The following ZNF708 variants were observed in gnomAD, a reference collection of about 807,000 sequenced individuals.
The protein encoded by ZNF708 is zinc finger protein 708.
Under a neutral mutation model 47.0 loss-of-function variants are expected in ZNF708, and 44 were observed. That is an observed-to-expected ratio of 0.94 (90% CI 0.74 to 1.20). The LOEUF (loss-of-function observed/expected upper bound fraction) is 1.20. Among genes scored for constraint, ZNF708 ranks in the 50% most tolerant of loss-of-function variants. The probability of loss-of-function intolerance (pLI) is 0.00; values close to 1 mark genes in which losing one functional copy is unlikely to be tolerated. For synonymous variants in ZNF708, 184 were observed against 218.5 expected (o/e 0.84, Z 1.39); for missense variants, 557 against 656.0 (o/e 0.85, Z 1.65).
chr19:21,294,895 A>C (rs759143892), intron 3 of ZNF708, among the ~76,000 whole-genome samples, 156 bp from the exon 4 acceptor site: 6 of 152,218 alleles, frequency 3.9e-5, no homozygotes, highest in Non-Finnish European at 8.8e-5. Flanking sequence ...AAGCATTCTG[A>C]CCAAAATACA....
At chr19:21,326,068 T>C (rs963850548) in intron 1 of ZNF708, among the ~76,000 whole-genome samples, 1 of 152,182 alleles carries the variant, frequency 6.6e-6, no homozygotes, top group African/African-American at 2.4e-5. Flanking sequence ...AAACAGTAGA[T>C]GTTGGCATGG....
At chr19:21,309,459 G>A in intron 2 of ZNF708, 118 bp from the exon 3 acceptor site, 1 of 994,876 alleles carries the variant, frequency 1.0e-6, no homozygotes, top group East Asian at 4.0e-5. Flanking sequence ...GGTAATCCCA[G>A]CACTCTGAGA....
intron 1 of ZNF708, 36 bp downstream of exon 1, chr19:21,329,174 C>T (rs543198571): frequency 2.5e-6 from 4 of 1,611,456 alleles, no homozygotes; most frequent in South Asian, 1.1e-5. Flanking sequence ...TCAACCAGCC[C>T]TTCCCCTCTC....
intron 1 of ZNF708, among the ~76,000 whole-genome samples, chr19:21,319,554 A>C (rs1973085218): frequency 6.6e-6 from 1 of 151,330 alleles, no homozygotes; most frequent in Non-Finnish European, 1.5e-5. Flanking sequence ...TCTGGGTTTG[A>C]GGGATTCTGT....
rs1443021740 is a variant in ZNF708 at position 21,328,186 on chromosome 19, A to T, written c.3+1024T>A. 2.2e-4 allele frequency: 22 copies of T among 101,388 alleles called. No individual in the cohort carries two copies. The South Asian group carries it at 4.9e-3, about 22-fold the overall frequency. The allele number at this position is 101,388 out of a possible 1,614,324, so 6.3% of individuals were successfully genotyped here. ...TAAGATTTCTGTGCCTGAGGAAGAT[A>T]AAAAAAAAAAAGCCATAGAAATTTC... is the stretch of plus-strand genomic sequence containing the variant. On this transcript the variant is annotated intron_variant, in intron 1 of 3. Transcript: ENST00000356929.
chr19:21,296,408 A>G (rs954481715), intron 3 of ZNF708, among the ~76,000 whole-genome samples: 9 of 152,112 alleles, frequency 5.9e-5, no homozygotes, highest in Admixed American at 3.9e-4. Flanking sequence ...AGGCTGAGGC[A>G]GGAGAATCGG....
At chr19:21,320,807 G>A (rs1232540933) in intron 1 of ZNF708, among the ~76,000 whole-genome samples, 1 of 150,322 alleles carries the variant, frequency 6.7e-6, no homozygotes, top group African/African-American at 2.5e-5. Context: ...TATATCCTGT[G>A]CAGCAACATG....
chr19:21,307,741 C>G (rs1269489006), intron 3 of ZNF708, among the ~76,000 whole-genome samples: 1 of 152,120 alleles, frequency 6.6e-6, no homozygotes, highest in Non-Finnish European at 1.5e-5. Context: ...GCCCACTTGT[C>G]AATGCTTCTC....
In ZNF708 at chr19:21,294,168, G is replaced by A; in HGVS notation, c.798C>T (p.Asn266=). 1 of 1,609,608 alleles carries A rather than the reference G, an allele frequency of 6.2e-7. No individual in the cohort carries two copies. Among genetic ancestry groups the A allele is most frequent in the Non-Finnish European group, 8.5e-7 (1 of 1,178,806 alleles). The stretch of plus-strand genomic sequence containing the variant: ...TATGAACTATCTTATGTTTAGTAAG[G>A]TTTGAGGACCGGTTAAAAGCTTTGC... ...ECGKAFNRSS[N]LTKHKIVHTG... The change falls in exon 4 of 4, where the codon AAC becomes AAT. Residue 266 remains asparagine, a synonymous_variant. Coordinates refer to ENST00000356929, the MANE Select transcript of ZNF708 (RefSeq NM_021269.3).
chr19:21,295,727 A>C (rs1408063174), intron 3 of ZNF708, among the ~76,000 whole-genome samples: 1 of 152,104 alleles, frequency 6.6e-6, no homozygotes, highest in African/African-American at 2.4e-5. Flanking sequence ...CCTGGGCAAC[A>C]AGAGCAAAAC....
In ZNF708 at chr19:21,319,754, G is replaced by A. The variant is rs549266108; in HGVS notation, c.4-9127C>T. ...AAAAATGTAAAAAAACACCCAATGAGATACCATCTCACACCAGTCAGAATG... is the reference window on the plus strand; with the variant it reads ...AAAAATGTAAAAAAACACCCAATGAAATACCATCTCACACCAGTCAGAATG... On this transcript the variant is annotated intron_variant, in intron 1 of 3. Coordinates refer to ENST00000356929, the MANE Select transcript of ZNF708 (RefSeq NM_021269.3). 1.2e-4 allele frequency among the ~76,000 whole-genome samples: 18 copies of A among 152,280 alleles called. No homozygotes were observed. In the South Asian group the frequency reaches 3.5e-3, roughly 30 times the overall value.
chr19:21,306,953 A>AATAACATAACATAACATAAC (rs544489027), intron 3 of ZNF708: 14 of 134,586 alleles, frequency 1.0e-4, no homozygotes, highest in African/African-American at 2.8e-4. Context: ...TCAAAAGAAA[A>AATAACATAACATAACATAAC]ATAACATAAC....
chr19:21,322,915 C>T (rs1973181470), intron 1 of ZNF708, among the ~76,000 whole-genome samples: 1 of 152,212 alleles, frequency 6.6e-6, no homozygotes, highest in African/African-American at 2.4e-5. Context: ...ACTCCATGGG[C>T]CCATTTACAT....
In ZNF708 at chr19:21,293,745, A is replaced by C; in HGVS notation, c.1221T>G (p.Leu407=). 1 of 1,613,570 alleles carries C rather than the reference A, an allele frequency of 6.2e-7. No individual in the cohort carries two copies. Among genetic ancestry groups the C allele is most frequent in the Non-Finnish European group, 8.5e-7 (1 of 1,179,824 alleles). Residue 407 remains leucine (L), a synonymous_variant, in exon 4 of 4, where the codon CTT becomes CTG. Transcript: ENST00000356929. ...CAGTATGAATTACCTTATGATAAGT[A>C]AGAGTTGAGGACTTGGTAAAGGCTT... The part of the protein sequence containing the change: ...CGKAFTKSST[L]TYHKVIHTGK...
At chr19:21,310,671 G>A in intron 1 of ZNF708, 44 bp from the exon 2 acceptor site, 1 of 1,385,052 alleles carries the variant, frequency 7.2e-7, no homozygotes, top group South Asian at 1.8e-5. Flanking sequence ...AGTGGTTATG[G>A]ACAGAATTTT....
intron 3 of ZNF708, among the ~76,000 whole-genome samples, chr19:21,296,920 G>A (rs1421730328): frequency 6.6e-6 from 1 of 151,786 alleles, no homozygotes; most frequent in African/African-American, 2.4e-5. Context: ...ATCACCTGAC[G>A]TCAGGAGTTC....
intron 3 of ZNF708, among the ~76,000 whole-genome samples, chr19:21,297,989 G>A (rs1599669804): frequency 7.0e-6 from 1 of 143,388 alleles, no homozygotes. Context: ...GTGTGTGTGT[G>A]TGTATGTGTA....
intron 3 of ZNF708, among the ~76,000 whole-genome samples, chr19:21,300,205 CCGT>C (rs1972626564): frequency 6.9e-6 from 1 of 144,810 alleles, no homozygotes; most frequent in East Asian, 2.0e-4. Context: ...GAGCAAGACT[CCGT>C]CTCAAAAAAA....
In ZNF708 at chr19:21,329,348, C is replaced by G; in HGVS notation, c.-136G>C. 1.8e-5 allele frequency: 25 copies of G among 1,411,746 alleles called. No individual in the cohort carries two copies. The South Asian group carries it at 2.8e-4, about 16-fold the overall frequency. The allele number at this position is 1,411,746 out of a possible 1,614,324, so 87.5% of individuals were successfully genotyped here. A position where few individuals can be genotyped will look rare whatever the true frequency, so the allele number is the denominator to read the frequency against. ...GACGAGACCGGAGCTCCGGCTGCAG[C>G]AAGAGACAAAGGCCGCGCCAAACCC... On this transcript the variant is annotated 5_prime_UTR_variant, in exon 1 of 4. Transcript: ENST00000356929.
Sources: allele counts gnomAD v4.1 joint callset (sites outside exome capture counted in the v4.1 genomes callset), GRCh38; gene constraint gnomAD v4.1.1; transcripts MANE v1.5; gene names NCBI Gene and HGNC (gene_info 2026-07-23, HGNC 2026-07-21).